Variants in SKOR2 observed in about 807,000 individuals in gnomAD.
The protein encoded by SKOR2 is LBX1 corepressor 1-like protein.
In SKOR2, 47 loss-of-function variants were observed where a neutral mutation model predicts 69.1. The ratio of observed to expected loss-of-function variants is 0.68; its 90% CI spans 0.54 to 0.87. SKOR2 has a LOEUF of 0.87. SKOR2 is among the 40% of genes least tolerant of loss of function. The pLI, the probability that SKOR2 is intolerant of heterozygous loss-of-function variation, is 0.00. For synonymous variants in SKOR2, 717 were observed against 672.6 expected, an observed-to-expected ratio of 1.07 and a Z score of -1.02; for missense variants, 1,404 against 1,472.2, an observed-to-expected ratio of 0.95 and a Z score of 0.76.
At chr18:47,207,068 G>A (rs1400672187) in intron 8 of SKOR2, among the ~76,000 whole-genome samples, 176 bp from the exon 9 acceptor site, 1 of 152,174 alleles carries the variant, frequency 6.6e-6, no homozygotes, top group Non-Finnish European at 1.5e-5. Flanking sequence ...ACAAGAGTGT[G>A]CTGGTTTGCT....
intron 7 of SKOR2, among the ~76,000 whole-genome samples, chr18:47,217,858 G>A (rs1220827305): frequency 7.0e-6 from 1 of 142,076 alleles, no homozygotes; most frequent in Non-Finnish European, 1.5e-5. Context: ...GGGTGGGGGT[G>A]GGAAATTCAA....
At chr18:47,212,908 G>C (rs1160187454) in intron 7 of SKOR2, among the ~76,000 whole-genome samples, 1 of 152,146 alleles carries the variant, frequency 6.6e-6, no homozygotes, top group Non-Finnish European at 1.5e-5. Context: ...AGGCGGCAGT[G>C]AGCCATGATT....
chr18:47,214,904 A>C (rs2064139087), intron 7 of SKOR2, among the ~76,000 whole-genome samples: 1 of 152,130 alleles, frequency 6.6e-6, no homozygotes, highest in Admixed American at 6.6e-5. Flanking sequence ...CTTAGAAATT[A>C]CCGAGATTGG....
intron 7 of SKOR2, among the ~76,000 whole-genome samples, chr18:47,214,708 T>G (rs2064138412): frequency 6.6e-6 from 1 of 152,198 alleles, no homozygotes; most frequent in Non-Finnish European, 1.5e-5. Context: ...CATCAAATAG[T>G]GGTGCCTCTT....
intron 8 of SKOR2, among the ~76,000 whole-genome samples, chr18:47,208,046 G>A (rs1265450003): frequency 1.3e-5 from 2 of 152,142 alleles, no homozygotes; most frequent in Non-Finnish European, 2.9e-5. Flanking sequence ...AAATTTTAGA[G>A]CTAGTAGAGA....
chr18:47,229,534 G>A (rs1325656731), intron 6 of SKOR2, among the ~76,000 whole-genome samples: 1 of 151,972 alleles, frequency 6.6e-6, no homozygotes, highest in Non-Finnish European at 1.5e-5. Context: ...TGTGCCTGTA[G>A]TACCAGCTAC....
chr18:47,223,552 A>G (rs1325445606), intron 6 of SKOR2, among the ~76,000 whole-genome samples: 2 of 152,244 alleles, frequency 1.3e-5, no homozygotes, highest in Non-Finnish European at 2.9e-5. Flanking sequence ...AAGGGTGTCC[A>G]TTATCTAAAA....
intron 6 of SKOR2, among the ~76,000 whole-genome samples, chr18:47,229,783 A>T (rs2064190995): frequency 6.6e-6 from 1 of 152,232 alleles, no homozygotes; most frequent in South Asian, 2.1e-4. Flanking sequence ...GATGTGACCC[A>T]GACCAGGGCA....
rs2064268557 is a variant in SKOR2 at position 47,245,495 on chromosome 18, TAC to T, written c.2677+1_2677+2del. ...GGCAGCTGATTTTTTTTTTTTTTTT[TAC>T]CTGAAAAGCTGTTGTCATCCTTTGT... On this transcript the variant is annotated splice_donor_variant, in intron 3 of 8. Transcript: ENST00000425639. LOFTEE classifies it high-confidence loss of function. 3 of 1,470,358 alleles carry T rather than the reference TAC, an allele frequency of 2.0e-6. No homozygotes were observed. The highest frequency in any genetic ancestry group is 3.0e-5 in the African/African-American group (2 of 67,592). The allele number at this position is 1,470,358 out of a possible 1,614,324, so 91.1% of individuals were successfully genotyped here.
chr18:47,228,452 G>A (rs1196336054), intron 6 of SKOR2, among the ~76,000 whole-genome samples: 1 of 152,180 alleles, frequency 6.6e-6, no homozygotes, highest in African/African-American at 2.4e-5. Flanking sequence ...GTACTACAGA[G>A]CAGTTACTAT....
Position 47,251,528 on chromosome 18 carries a change from T to G in SKOR2, c.-202A>C, listed in dbSNP as rs915158429. The G allele has an allele frequency of 6.6e-6, 1 of 152,188 alleles. No homozygotes were observed. The highest frequency in any genetic ancestry group is 2.4e-5 in the African/African-American group (1 of 41,434). The allele number at this position is 152,188 out of a possible 1,614,324, so 9.4% of individuals were successfully genotyped here. ...GGGCTCTGGCCCGAGCGAATGGCGC[T>G]CAAACCCCGGCCTGGGGAGAATGAC... On this transcript the variant is annotated 5_prime_UTR_variant, in exon 1 of 9. Transcript: ENST00000425639.
rs1476423935 is a variant in SKOR2, at chr18:47,248,736, C to T, written c.448G>A (p.Glu150Lys). 2.6e-6 allele frequency: 4 copies of T among 1,552,892 alleles called. No individual in the cohort carries two copies. The highest frequency in any genetic ancestry group is 2.4e-5 in the East Asian group (1 of 41,796). ...PDNFAFDVSH[E>K]CAWGCRGSFI... ...CTGCCGCGGCAGCCCCAGGCGCACT[C>T]GTGTGACACGTCGAAGGCGAAATTG... Residue 150 changes from glutamate (E) to lysine (K), a missense_variant, in exon 2 of 9, where the codon GAG becomes AAG. Glu to Lys is a moderately conservative substitution (Grantham distance 56). Transcript: ENST00000425639. The surrounding 1 kb of genome is among the most constrained non-coding windows in gnomAD (Gnocchi z 6.4).
rs78577586 is a variant in SKOR2 at position 47,236,038 on chromosome 18, G to A, written c.2753-5038C>T. On this transcript the variant is annotated intron_variant, in intron 4 of 8. Coordinates refer to ENST00000425639, the MANE Select transcript of SKOR2 (RefSeq NM_001278063.4). ...CTCGCTCTGCCACCCAGGCTGGAGCGCACTCACACAATCCAGGCTCACTGC... is the reference window on the plus strand; with the variant it reads ...CTCGCTCTGCCACCCAGGCTGGAGCACACTCACACAATCCAGGCTCACTGC... Among the ~76,000 whole-genome samples, 678 of 152,222 alleles carry A rather than the reference G, an allele frequency of 4.5e-3. 22 individuals are homozygous for A. The East Asian group carries it at 0.086, about 19-fold the overall frequency.
Position 47,248,483 on chromosome 18 carries a change from A to T in SKOR2, c.701T>A (p.Met234Lys). The stretch of plus-strand genomic sequence containing the variant: ...GCGCTTGCGGCTGCCGCCGTTGAAC[A>T]TGGCCTTGACGTCCTCCCAGGCGAA... Reference protein sequence around the residue: ...LVFAWEDVKAMFNGGSRKRAL... With the variant: ...LVFAWEDVKAKFNGGSRKRAL... The change falls in exon 2 of 9, where the codon ATG becomes AAG. Residue 234 changes from methionine (M) to lysine (K), a missense_variant. By Grantham distance (95) the Met-to-Lys change is moderately conservative. Coordinates refer to ENST00000425639, the MANE Select transcript of SKOR2 (RefSeq NM_001278063.4). The surrounding 1 kb of genome is among the most constrained non-coding windows in gnomAD (Gnocchi z 6.4). The T allele has an allele frequency of 6.5e-7, 1 of 1,535,612 alleles. No individual in the cohort carries two copies. Among genetic ancestry groups the T allele is most frequent in the South Asian group, 1.2e-5 (1 of 84,042 alleles).
chr18:47,250,900 C>T (rs1256868608), intron 1 of SKOR2, among the ~76,000 whole-genome samples: 1 of 152,126 alleles, frequency 6.6e-6, no homozygotes, highest in Non-Finnish European at 1.5e-5. Context: ...CCCTACCAAA[C>T]AAGATTCATA....
intron 6 of SKOR2, among the ~76,000 whole-genome samples, chr18:47,220,963 T>C (rs1343502560): frequency 3.9e-5 from 6 of 152,164 alleles, no homozygotes; most frequent in Non-Finnish European, 5.9e-5. Flanking sequence ...CTCTTTGCCA[T>C]TGTTACCTCC....
chr18:47,213,177 C>T (rs1005350678), intron 7 of SKOR2, among the ~76,000 whole-genome samples: 3 of 151,832 alleles, frequency 2.0e-5, no homozygotes, highest in Non-Finnish European at 2.9e-5. Context: ...CACTAACCCC[C>T]GTTAAGGTGC....
At chr18:47,221,468 G>C (rs1449774274) in intron 6 of SKOR2, among the ~76,000 whole-genome samples, 1 of 152,136 alleles carries the variant, frequency 6.6e-6, no homozygotes, top group African/African-American at 2.4e-5. Context: ...CGAGGGCACG[G>C]AGGAAATCCC....
At chr18:47,218,907 C>T (rs72913148) in intron 7 of SKOR2, among the ~76,000 whole-genome samples, 1,920 of 152,300 alleles carry the variant, frequency 0.013, 24 homozygotes, top group Non-Finnish European at 0.019. Flanking sequence ...GAGTTGTTAA[C>T]GATCACTTGA....
Sources: gnomAD v4.1 joint callset for allele counts (sites outside exome capture counted in the v4.1 genomes callset) on GRCh38, gnomAD v4.1.1 for gene constraint, Gnocchi (gnomAD v3.1) non-coding constraint, MANE v1.5 for transcripts, NCBI Gene and HGNC (gene_info 2026-07-23, HGNC 2026-07-21) for gene names.